The following FSHR variants were observed in gnomAD, a reference collection of about 807,000 sequenced individuals.
FSHR encodes follicle stimulating hormone receptor.
A neutral mutation model predicts 52.1 loss-of-function variants in FSHR; 46 were observed. The ratio of observed to expected loss-of-function variants is 0.88; its 90% confidence interval spans 0.70 to 1.13. The LOEUF (loss-of-function observed/expected upper bound fraction) is 1.13, where lower values mean the gene tolerates loss of function less well. Ranked by LOEUF, FSHR falls within the 50% of genes most tolerant of loss-of-function variation. The pLI is 0.00. For missense variants in FSHR, 964 were observed against 834.6 expected, an observed-to-expected ratio of 1.16 and a Z score of -1.91; for synonymous variants, 399 against 309.6, an observed-to-expected ratio of 1.29 and a Z score of -3.03.
intron 2 of FSHR, among the ~76,000 whole-genome samples, chr2:49,033,132 G>T (rs981928839): frequency 4.6e-5 from 7 of 152,180 alleles, no homozygotes; most frequent in Non-Finnish European, 1.5e-5. Flanking sequence ...ATAGCAACTT[G>T]CTTTCCAATT....
At chr2:49,137,726 A>C (rs1672536014) in intron 1 of FSHR, among the ~76,000 whole-genome samples, 2 of 152,164 alleles carry the variant, frequency 1.3e-5, no homozygotes, top group African/African-American at 4.8e-5. Context: ...CCAATTGTTT[A>C]GTAAGGGACA....
In FSHR at chr2:49,138,651, A is replaced by T. The variant is rs557994139; in HGVS notation, c.152+15615T>A. Among the ~76,000 whole-genome samples, 7 of 152,352 alleles carry T rather than the reference A, an allele frequency of 4.6e-5. No individual in the cohort carries two copies. The East Asian group carries it at 9.6e-4, about 21-fold the overall frequency. On this transcript the variant is annotated intron_variant, in intron 1 of 9. Transcript: ENST00000406846. ...CTCATAAGAAAGTCCAGAATAGAGA[A>T]ATCTATAGAGACAGAAAGTAGATTA... is the stretch of plus-strand genomic sequence containing the variant.
chr2:49,127,842 T>C (rs1348227824), intron 1 of FSHR, among the ~76,000 whole-genome samples: 197 of 17,142 alleles, frequency 0.011, 11 homozygotes, highest in African/African-American at 0.067. Context: ...CTTCTTCTTC[T>C]TCTTCTTCTT....
At chr2:49,113,884 C>G (rs1671511272) in intron 1 of FSHR, among the ~76,000 whole-genome samples, 1 of 152,120 alleles carries the variant, frequency 6.6e-6, no homozygotes, top group Admixed American at 6.5e-5. Flanking sequence ...TGTTTTCATG[C>G]CCATTGCCTC....
intron 1 of FSHR, among the ~76,000 whole-genome samples, chr2:49,098,291 C>A (rs1011373953): frequency 1.6e-4 from 24 of 151,782 alleles, no homozygotes; most frequent in African/African-American, 5.8e-4. Flanking sequence ...AGTAAACATG[C>A]ATAAAAATAA....
intron 9 of FSHR, among the ~76,000 whole-genome samples, chr2:48,967,653 C>G (rs1415723981): frequency 6.6e-6 from 1 of 152,156 alleles, no homozygotes; most frequent in East Asian, 1.9e-4. Context: ...AGCTATTTTT[C>G]TACAAATCCT....
Position 48,962,175 on chromosome 2 carries a change from A to G in FSHR, c.*558T>C, listed in dbSNP as rs930059117. 5.9e-6 allele frequency: 1 copy of G among 169,150 alleles called. No homozygotes were observed. Among genetic ancestry groups the G allele is most frequent in the Non-Finnish European group, 1.3e-5 (1 of 78,096 alleles). The allele number at this position is 169,150 out of a possible 1,614,324, so 10.5% of individuals were successfully genotyped here. A position where few individuals can be genotyped will look rare whatever the true frequency, so the allele number is the denominator to read the frequency against. ...TAACTGGAAACACATGAGGAAGGGA[A>G]ATCTGGGAAATGTATTTCAGCCTAT... On this transcript the variant is annotated 3_prime_UTR_variant, in exon 10 of 10. Transcript: ENST00000406846.
At chr2:49,102,000 C>T (rs1209254101) in intron 1 of FSHR, among the ~76,000 whole-genome samples, 1 of 152,050 alleles carries the variant, frequency 6.6e-6, no homozygotes. Flanking sequence ...TTTTAAAGGC[C>T]CTACTTCTCA....
intron 4 of FSHR, among the ~76,000 whole-genome samples, chr2:49,000,493 G>A (rs534856797): frequency 6.6e-6 from 1 of 152,198 alleles, no homozygotes; most frequent in Admixed American, 6.6e-5. Context: ...GCAGAGCTCA[G>A]TGTAGCCAAT....
intron 1 of FSHR, among the ~76,000 whole-genome samples, chr2:49,095,875 A>T (rs909170007): frequency 1.3e-5 from 2 of 152,198 alleles, no homozygotes; most frequent in African/African-American, 4.8e-5. Context: ...GCTCAATATC[A>T]TTAGTCATTA....
intron 1 of FSHR, among the ~76,000 whole-genome samples, chr2:49,133,074 A>C (rs1672350611): frequency 6.6e-6 from 1 of 150,896 alleles, no homozygotes; most frequent in Non-Finnish European, 1.5e-5. Flanking sequence ...CCCACTCCAG[A>C]CTGCTGCAGT....
intron 2 of FSHR, among the ~76,000 whole-genome samples, chr2:49,039,885 A>G (rs550468347): frequency 4.1e-4 from 62 of 151,050 alleles, no homozygotes; most frequent in Non-Finnish European, 7.7e-4. Context: ...TGGTGGAATT[A>G]TGTAAAATTT....
intron 2 of FSHR, among the ~76,000 whole-genome samples, chr2:49,049,255 G>A (rs993749604): frequency 6.6e-6 from 1 of 152,080 alleles, no homozygotes; most frequent in Admixed American, 6.6e-5. Context: ...TCACTGGAAG[G>A]TCTCACACAC....
intron 4 of FSHR, among the ~76,000 whole-genome samples, chr2:49,003,007 T>TCTTA (rs1462450114): frequency 2.0e-5 from 3 of 152,132 alleles, no homozygotes; most frequent in Non-Finnish European, 4.4e-5. Context: ...GGCTTTCTCT[T>TCTTA]CTTAGCACTG....
chr2:49,039,924 G>T (rs1045035491), intron 2 of FSHR, among the ~76,000 whole-genome samples: 50 of 150,232 alleles, frequency 3.3e-4, no homozygotes, highest in African/African-American at 8.8e-4. Flanking sequence ...TACATTGGTG[G>T]TTTTTTTTTT....
At chr2:49,094,227 G>C (rs1188660229) in intron 1 of FSHR, among the ~76,000 whole-genome samples, 1 of 152,098 alleles carries the variant, frequency 6.6e-6, no homozygotes, top group African/African-American at 2.4e-5. Context: ...TGGTAATACA[G>C]AAACCTTGCC....
chr2:48,970,656 G>A (rs1250126614), intron 8 of FSHR, among the ~76,000 whole-genome samples: 4 of 152,122 alleles, frequency 2.6e-5, no homozygotes, highest in Non-Finnish European at 4.4e-5. Flanking sequence ...CTTCCAAAAT[G>A]TGTGTCCCCA....
At chr2:49,107,648 C>A (rs986535306) in intron 1 of FSHR, among the ~76,000 whole-genome samples, 1 of 152,112 alleles carries the variant, frequency 6.6e-6, no homozygotes, top group Admixed American at 6.5e-5. Flanking sequence ...TATTGGTAAT[C>A]TACCCCTTGG....
At chr2:49,116,558 A>G (rs1327337699) in intron 1 of FSHR, among the ~76,000 whole-genome samples, 3 of 152,222 alleles carry the variant, frequency 2.0e-5, no homozygotes, top group Non-Finnish European at 4.4e-5. Flanking sequence ...GTAAATGCAC[A>G]TACAGTTCTC....
Sources: gnomAD v4.1 joint callset for allele counts (sites outside exome capture counted in the v4.1 genomes callset) on GRCh38, gnomAD v4.1.1 for gene constraint, MANE v1.5 for transcripts, NCBI Gene and HGNC (gene_info 2026-07-23, HGNC 2026-07-21) for gene names.